CNTNAP5: variants seen among roughly 807,000 people sequenced by gnomAD.
CNTNAP5 encodes contactin associated protein family member 5.
CNTNAP5 carries 72 observed loss-of-function variants against 150.2 expected under a neutral mutation model. The observed-to-expected ratio is 0.48, with a 90% CI of 0.40 to 0.58. CNTNAP5 has a LOEUF of 0.58. Among genes scored for constraint, CNTNAP5 ranks in the 20% least tolerant of loss-of-function variants. CNTNAP5 has a pLI of 0.00. For missense variants in CNTNAP5, 1,636 were observed against 1,626.2 expected, an observed-to-expected ratio of 1.01 and a Z score of -0.10; for synonymous variants, 672 against 619.8, an observed-to-expected ratio of 1.08 and a Z score of -1.25.
intron 1 of CNTNAP5, among the ~76,000 whole-genome samples, chr2:124,053,112 G>A (rs1573719876): frequency 6.8e-6 from 1 of 147,402 alleles, no homozygotes. Context: ...TTATTCATCA[G>A]CAAATGCCCA....
chr2:124,577,856 T>G (rs13034732), intron 11 of CNTNAP5, among the ~76,000 whole-genome samples: 1 of 151,696 alleles, frequency 6.6e-6, no homozygotes, highest in Non-Finnish European at 1.5e-5. Flanking sequence ...TTGGTTGGAG[T>G]TGGGGTCAGA....
chr2:124,209,248 AG>A (rs2104721624), intron 1 of CNTNAP5, among the ~76,000 whole-genome samples: 1 of 152,164 alleles, frequency 6.6e-6, no homozygotes, highest in South Asian at 2.1e-4. Flanking sequence ...GCAAAATGAG[AG>A]GGTGTTGGAG....
At chr2:124,580,827 C>A (rs1436489133) in intron 11 of CNTNAP5, among the ~76,000 whole-genome samples, 2 of 152,188 alleles carry the variant, frequency 1.3e-5, no homozygotes, top group African/African-American at 4.8e-5. Context: ...GTACTTGATT[C>A]TTTGCTGAAT....
At chr2:124,185,160 A>G (rs1295122726) in intron 1 of CNTNAP5, among the ~76,000 whole-genome samples, 1 of 152,162 alleles carries the variant, frequency 6.6e-6, no homozygotes, top group Admixed American at 6.5e-5. Flanking sequence ...TTCCTTTTGC[A>G]TGTCAAATCC....
At chr2:124,790,475 G>A (rs143504724) in intron 18 of CNTNAP5, among the ~76,000 whole-genome samples, 5 of 152,104 alleles carry the variant, frequency 3.3e-5, no homozygotes, top group Non-Finnish European at 5.9e-5. Flanking sequence ...CCCTCAGCCC[G>A]CAAATGTAAT....
chr2:124,213,499 A>G (rs1468501482), intron 1 of CNTNAP5, among the ~76,000 whole-genome samples: 2 of 152,206 alleles, frequency 1.3e-5, no homozygotes, highest in Non-Finnish European at 2.9e-5. Context: ...TGACTAATTT[A>G]TGTAGTCTGA....
At chr2:124,535,200 G>A (rs939921784) in intron 10 of CNTNAP5, among the ~76,000 whole-genome samples, 14 of 152,080 alleles carry the variant, frequency 9.2e-5, no homozygotes, top group African/African-American at 3.1e-4. Flanking sequence ...GGGAAGATCC[G>A]AGGAGATCCC....
chr2:124,823,209 G>A (rs1230383156), intron 19 of CNTNAP5, among the ~76,000 whole-genome samples: 2 of 152,168 alleles, frequency 1.3e-5, no homozygotes, highest in African/African-American at 2.4e-5. Flanking sequence ...AGTAGGCTTA[G>A]AACGGACATT....
intron 17 of CNTNAP5, among the ~76,000 whole-genome samples, chr2:124,785,299 A>G (rs1342608102): frequency 6.6e-6 from 1 of 152,164 alleles, no homozygotes; most frequent in Admixed American, 6.6e-5. Flanking sequence ...ATCTTAAAGG[A>G]GCTGACCCCA....
intron 12 of CNTNAP5, among the ~76,000 whole-genome samples, chr2:124,629,952 A>C (rs1677814192): frequency 6.9e-6 from 1 of 144,816 alleles, no homozygotes; most frequent in African/African-American, 2.4e-5. Flanking sequence ...AAAAAAAAAA[A>C]AAACTGGAAA....
At chr2:124,718,183 T>C (rs990230338) in intron 13 of CNTNAP5, among the ~76,000 whole-genome samples, 9 of 152,202 alleles carry the variant, frequency 5.9e-5, no homozygotes, top group Middle Eastern at 3.2e-3. Context: ...ATGTGGGACA[T>C]AAAAGCTTTG....
chr2:124,583,333 C>A (rs779991093), intron 11 of CNTNAP5, among the ~76,000 whole-genome samples: 11 of 152,196 alleles, frequency 7.2e-5, no homozygotes, highest in Non-Finnish European at 1.6e-4. Context: ...ATGTACATAG[C>A]CGGGAACGAT....
intron 13 of CNTNAP5, among the ~76,000 whole-genome samples, chr2:124,683,499 G>T (rs553513237): frequency 6.6e-6 from 1 of 151,996 alleles, no homozygotes; most frequent in Non-Finnish European, 1.5e-5. Flanking sequence ...AGCAGTGTAC[G>T]CTGTACCCAA....
intron 1 of CNTNAP5, among the ~76,000 whole-genome samples, chr2:124,130,094 G>C (rs1047795026): frequency 1.5e-4 from 23 of 152,112 alleles, no homozygotes; most frequent in African/African-American, 5.6e-4. Flanking sequence ...ATCTCTCTCT[G>C]ATTTCCTTTT....
At chr2:124,145,978 A>C (rs1442283116) in intron 1 of CNTNAP5, among the ~76,000 whole-genome samples, 2 of 152,068 alleles carry the variant, frequency 1.3e-5, no homozygotes, top group East Asian at 3.9e-4. Flanking sequence ...AATTAATAGC[A>C]CTTGGCATTT....
chr2:124,871,384 G>T (rs2104727252), intron 21 of CNTNAP5, among the ~76,000 whole-genome samples: 1 of 151,804 alleles, frequency 6.6e-6, no homozygotes. Context: ...TTTCTCTCAG[G>T]TACTGAGAAA....
intron 3 of CNTNAP5, among the ~76,000 whole-genome samples, chr2:124,315,191 C>T (rs1688933498): frequency 6.6e-6 from 1 of 152,090 alleles, no homozygotes; most frequent in South Asian, 2.1e-4. Flanking sequence ...GAACTCCTAG[C>T]CTCAAGTGGT....
intron 17 of CNTNAP5, among the ~76,000 whole-genome samples, chr2:124,779,490 T>G (rs1681402709): frequency 6.6e-6 from 1 of 152,198 alleles, no homozygotes; most frequent in Non-Finnish European, 1.5e-5. Flanking sequence ...CAGGTATATT[T>G]TTCGTGCAAC....
chr2:124,151,917 G>A (rs895257307), intron 1 of CNTNAP5, among the ~76,000 whole-genome samples: 3 of 152,172 alleles, frequency 2.0e-5, no homozygotes, highest in African/African-American at 7.2e-5. Context: ...GCCAGGCACT[G>A]TTACTTAAGG....
Sources: gnomAD v4.1 joint callset for allele counts (sites outside exome capture counted in the v4.1 genomes callset) on GRCh38, gnomAD v4.1.1 for gene constraint, MANE v1.5 for transcripts, NCBI Gene and HGNC (gene_info 2026-07-23, HGNC 2026-07-21) for gene names.